The following CADPS variants were observed in gnomAD, a reference collection of about 807,000 sequenced individuals.
The protein encoded by CADPS is calcium dependent secretion activator.
Under a neutral mutation model 167.3 loss-of-function variants are expected in CADPS, and 57 were observed. The ratio of observed to expected loss-of-function variants is 0.34; its 90% CI spans 0.28 to 0.42. The LOEUF is 0.42. Among genes scored for constraint, CADPS ranks in the 20% least tolerant of loss-of-function variants. The pLI is 1.00. For missense variants in CADPS, 1,414 were observed against 1,738.1 expected (o/e 0.81, Z 3.32); for synonymous variants, 676 against 635.3 (o/e 1.06, Z -0.96).
rs1257505719 is a variant in CADPS at position 62,557,517 on chromosome 3, T to C, written c.1645-4A>G. ...TGGCAAACGTGTACTGACTGACCTG[T>C]TAAGGAAAAGCAGATTGTGAGGTTG... On this transcript the variant is annotated splice_region_variant and splice_polypyrimidine_tract_variant and intron_variant, in intron 9 of 29. Transcript: ENST00000383710. The C allele has an allele frequency of 1.9e-6, 3 of 1,611,362 alleles. No homozygotes were observed. In the East Asian group the frequency reaches 6.7e-5, roughly 36 times the overall value.
chr3:62,475,584 G>GAAAAAAAAAAAAAAAAA (rs34263556), intron 23 of CADPS, among the ~76,000 whole-genome samples: 1 of 55,950 alleles, frequency 1.8e-5, no homozygotes, highest in Non-Finnish European at 3.1e-5. Flanking sequence ...CAGTTCTTAA[G>GAAAAAAAAAAAAAAAAA]AAAAAAAAAA....
intron 28 of CADPS, among the ~76,000 whole-genome samples, chr3:62,422,406 C>G (rs1025528305): frequency 2.0e-5 from 3 of 152,238 alleles, no homozygotes; most frequent in Non-Finnish European, 4.4e-5. Context: ...TGGCTAACAG[C>G]TGACGATCTA....
chr3:62,587,977 G>A (rs1186615036), intron 7 of CADPS, among the ~76,000 whole-genome samples: 1 of 152,196 alleles, frequency 6.6e-6, no homozygotes, highest in Non-Finnish European at 1.5e-5. Context: ...GACATTCCAG[G>A]CTGCTAATCA....
Position 62,534,962 on chromosome 3 carries a change from C to A in CADPS, c.2103+1483G>T, listed in dbSNP as rs1286198316. The stretch of plus-strand genomic sequence containing the variant: ...TTTCTGGTTTAATTTTTTTAGAGAG[C>A]ATTTATAAACTCTCCTTCACAGTGA... On this transcript the variant is annotated intron_variant, in intron 12 of 29. Coordinates refer to ENST00000383710, the MANE Select transcript of CADPS (RefSeq NM_003716.4). Among the ~76,000 whole-genome samples the A allele has an allele frequency of 4.6e-5, 7 of 152,006 alleles. No homozygotes were observed. In the East Asian group the frequency reaches 1.2e-3, roughly 25 times the overall value.
intron 28 of CADPS, among the ~76,000 whole-genome samples, chr3:62,407,482 G>T (rs1575605694): frequency 6.6e-6 from 1 of 152,106 alleles, no homozygotes; most frequent in Non-Finnish European, 1.5e-5. Flanking sequence ...CAAACCCTGT[G>T]GGGTGAGTTA....
At chr3:62,713,849 A>T (rs2083880643) in intron 3 of CADPS, among the ~76,000 whole-genome samples, 1 of 152,090 alleles carries the variant, frequency 6.6e-6, no homozygotes, top group Non-Finnish European at 1.5e-5. Context: ...GTTGGAGCTG[A>T]TGTTTCTCAG....
At chr3:62,591,896 C>T (rs1459836137) in intron 7 of CADPS, among the ~76,000 whole-genome samples, 1 of 152,092 alleles carries the variant, frequency 6.6e-6, no homozygotes, top group South Asian at 2.1e-4. Flanking sequence ...CTTCCTGCAT[C>T]CCATCTGACT....
At chr3:62,749,059 T>A (rs1408836443) in intron 3 of CADPS, among the ~76,000 whole-genome samples, 1 of 152,168 alleles carries the variant, frequency 6.6e-6, no homozygotes, top group Non-Finnish European at 1.5e-5. Flanking sequence ...TTCCCAAGGG[T>A]CTATGAAAAA....
chr3:62,558,100 G>A (rs1321171326), intron 9 of CADPS, among the ~76,000 whole-genome samples: 9 of 152,212 alleles, frequency 5.9e-5, no homozygotes, highest in Admixed American at 5.9e-4. Flanking sequence ...TCCTGCTGAA[G>A]GAGTACTTTG....
chr3:62,629,287 C>T (rs2064794637), intron 6 of CADPS, among the ~76,000 whole-genome samples: 1 of 152,154 alleles, frequency 6.6e-6, no homozygotes, highest in African/African-American at 2.4e-5. Flanking sequence ...GTCAACCACA[C>T]TCCCACCCAC....
chr3:62,852,611 A>G (rs985299722), intron 1 of CADPS, among the ~76,000 whole-genome samples: 2 of 152,052 alleles, frequency 1.3e-5, no homozygotes, highest in Admixed American at 1.3e-4. Context: ...AAAGAAAAAA[A>G]AAAAAGCTGG....
intron 1 of CADPS, among the ~76,000 whole-genome samples, chr3:62,851,926 T>G (rs1013046837): frequency 6.6e-6 from 1 of 151,754 alleles, no homozygotes; most frequent in South Asian, 2.1e-4. Context: ...CAGACGTAGA[T>G]TTGGTCTTTT....
At chr3:62,485,533 C>T (rs1390598320) in intron 21 of CADPS, among the ~76,000 whole-genome samples, 3 of 152,058 alleles carry the variant, frequency 2.0e-5, no homozygotes, top group Non-Finnish European at 2.9e-5. Flanking sequence ...CAAATAGAGT[C>T]GTTTTTCCTT....
rs151328441 is a variant in CADPS, at chr3:62,590,372, A to G, written c.1437+2265T>C. 9.2e-5 allele frequency among the ~76,000 whole-genome samples: 14 copies of G among 152,280 alleles called. No homozygotes were observed. In the East Asian group the frequency reaches 2.5e-3, roughly 27 times the overall value. On this transcript the variant is annotated intron_variant, in intron 7 of 29. Coordinates refer to ENST00000383710, the MANE Select transcript of CADPS (RefSeq NM_003716.4). ...ACTGGAAAAGGAGAAATTTGAAGAAAAATGAAAGGCAGGATAATTCTTCCA... is the reference window on the plus strand; with the variant it reads ...ACTGGAAAAGGAGAAATTTGAAGAAGAATGAAAGGCAGGATAATTCTTCCA...
intron 22 of CADPS, among the ~76,000 whole-genome samples, chr3:62,480,827 C>T (rs1438031755): frequency 2.6e-5 from 4 of 152,144 alleles, no homozygotes; most frequent in African/African-American, 7.2e-5. Flanking sequence ...TTAAATCATG[C>T]ACGTGGTTCT....
intron 13 of CADPS, among the ~76,000 whole-genome samples, chr3:62,525,758 C>T (rs28525274): frequency 4.0e-5 from 6 of 150,898 alleles, no homozygotes; most frequent in Admixed American, 1.3e-4. Flanking sequence ...AGAGAGAGGA[C>T]GGAGTTAGAG....
At chr3:62,483,758 G>T (rs1482547979) in intron 21 of CADPS, among the ~76,000 whole-genome samples, 6 of 152,052 alleles carry the variant, frequency 3.9e-5, no homozygotes, top group Non-Finnish European at 8.8e-5. Context: ...TCAGTCCCTG[G>T]TGGCTCTTAG....
chr3:62,585,440 C>T, intron 7 of CADPS, 116 bp from the exon 8 acceptor site: 1 of 1,022,692 alleles, frequency 9.8e-7, no homozygotes, highest in Non-Finnish European at 1.4e-6. Flanking sequence ...TGTGGAGCAG[C>T]CATACCTGGG....
At chr3:62,520,597 C>T in intron 13 of CADPS, among the ~76,000 whole-genome samples, 1 of 152,282 alleles carries the variant, frequency 6.6e-6, no homozygotes, top group Non-Finnish European at 1.5e-5. Flanking sequence ...ATAAAACAAA[C>T]TAACTTTACT....
Sources: gnomAD v4.1 joint callset for allele counts (sites outside exome capture counted in the v4.1 genomes callset) on GRCh38, gnomAD v4.1.1 for gene constraint, MANE v1.5 for transcripts, NCBI Gene and HGNC (gene_info 2026-07-23, HGNC 2026-07-21) for gene names.